Variants in ATP6V1A observed in about 807,000 individuals in gnomAD.
ATP6V1A encodes ATPase H+ transporting V1 subunit A, also known as V-type proton ATPase catalytic subunit A.
Under a neutral mutation model 70.1 loss-of-function variants are expected in ATP6V1A, and 18 were observed. That is an observed-to-expected ratio of 0.26 (90% CI 0.18 to 0.38). The LOEUF (loss-of-function observed/expected upper bound fraction) is 0.38, where lower values mean the gene tolerates loss of function less well. ATP6V1A is among the 10% of genes least tolerant of loss of function. The pLI, the probability that ATP6V1A is intolerant of heterozygous loss-of-function variation, is 1.00. For synonymous variants in ATP6V1A, 232 were observed against 253.8 expected (o/e 0.91, Z 0.82); for missense variants, 424 against 772.4 (o/e 0.55, Z 5.35).
chr3:113,759,327 A>G lies in ATP6V1A; in HGVS notation c.-14+12214A>G, dbSNP rs1166022998. Among the ~76,000 whole-genome samples the G allele has an allele frequency of 6.1e-5, 8 of 131,976 alleles. No homozygotes were observed. The East Asian group carries it at 1.5e-3, about 25-fold the overall frequency. The allele number at this position is 131,976 out of a possible 152,430, so 86.6% of individuals were successfully genotyped here. ...TGCATTTTATGTATACGTTGGTTCTACCACCACTTGTTGAAAAGACAATAT... is the reference window on the plus strand; with the variant it reads ...TGCATTTTATGTATACGTTGGTTCTGCCACCACTTGTTGAAAAGACAATAT... On this transcript the variant is annotated intron_variant, in intron 1 of 14. Coordinates refer to ENST00000273398, the MANE Select transcript of ATP6V1A (RefSeq NM_001690.4).
intron 1 of ATP6V1A, among the ~76,000 whole-genome samples, chr3:113,747,968 G>C (rs774726018): frequency 6.6e-6 from 1 of 152,176 alleles, no homozygotes; most frequent in Non-Finnish European, 1.5e-5. Context: ...CTTAAAGGTA[G>C]AATCAAGTCG....
At chr3:113,797,742 TGAAAG>T (rs1330635003) in intron 11 of ATP6V1A, among the ~76,000 whole-genome samples, 5 of 152,204 alleles carry the variant, frequency 3.3e-5, no homozygotes, top group Non-Finnish European at 5.9e-5. Flanking sequence ...ACTTGGAAAA[TGAAAG>T]GAAATAGATT....
In ATP6V1A at chr3:113,795,873, T is replaced by A. The variant is rs1709148704; in HGVS notation, c.1227-3T>A. ...GTAATGACCATATTTTTTTTAAATT[T>A]AGAGTTTCTCCACCTGGTGGTGATT... On this transcript the variant is annotated splice_region_variant and splice_polypyrimidine_tract_variant and intron_variant, in intron 10 of 14. Coordinates refer to ENST00000273398, the MANE Select transcript of ATP6V1A (RefSeq NM_001690.4). 6.2e-7 allele frequency: 1 copy of A among 1,606,496 alleles called. No individual in the cohort carries two copies. The highest frequency in any genetic ancestry group is 8.5e-7 in the Non-Finnish European group (1 of 1,177,846).
intron 7 of ATP6V1A, 122 bp from the exon 8 acceptor site, chr3:113,789,604 TACTTTA>T: frequency 1.6e-6 from 1 of 608,528 alleles, no homozygotes; most frequent in Non-Finnish European, 2.9e-6. Context: ...TGGGGAATAT[TACTTTA>T]GGAACACTGA....
At chr3:113,778,155 A>G (rs1708937502) in intron 1 of ATP6V1A, among the ~76,000 whole-genome samples, 2 of 152,048 alleles carry the variant, frequency 1.3e-5, no homozygotes, top group African/African-American at 4.8e-5. Flanking sequence ...GCACTTTGGG[A>G]GGCTGAGGTG....
At chr3:113,798,165 A>T in intron 11 of ATP6V1A, 78 bp from the exon 12 acceptor site, 2 of 1,493,204 alleles carry the variant, frequency 1.3e-6, no homozygotes, top group Non-Finnish European at 9.3e-7. Flanking sequence ...CATAGTTGGG[A>T]CAAACATGCT....
chr3:113,773,094 C>G (rs996619842), intron 1 of ATP6V1A, among the ~76,000 whole-genome samples: 3 of 151,788 alleles, frequency 2.0e-5, no homozygotes, highest in Non-Finnish European at 4.4e-5. Flanking sequence ...CGCGACACCA[C>G]GCCCGGCTAA....
intron 10 of ATP6V1A, 79 bp from the exon 11 acceptor site, chr3:113,795,797 C>CATTTATAT: frequency 9.0e-7 from 1 of 1,109,144 alleles, no homozygotes; most frequent in Non-Finnish European, 1.3e-6. Flanking sequence ...AAAAAGTTAA[C>CATTTATAT]ATTTATATAT....
chr3:113,774,552 C>T (rs771173933), intron 1 of ATP6V1A, among the ~76,000 whole-genome samples: 1 of 152,102 alleles, frequency 6.6e-6, no homozygotes, highest in Non-Finnish European at 1.5e-5. Context: ...CGGTGGCTCA[C>T]GCCTGTAATC....
intron 2 of ATP6V1A, among the ~76,000 whole-genome samples, chr3:113,780,537 G>C (rs1708965796): frequency 6.6e-6 from 1 of 152,158 alleles, no homozygotes; most frequent in Non-Finnish European, 1.5e-5. Flanking sequence ...TTTTTGAAAA[G>C]GGTCCATGTC....
At chr3:113,756,022 G>A (rs1349158935) in intron 1 of ATP6V1A, among the ~76,000 whole-genome samples, 4 of 152,122 alleles carry the variant, frequency 2.6e-5, no homozygotes, top group African/African-American at 9.7e-5. Flanking sequence ...TGATCCAAAT[G>A]CTTTCTTAAT....
chr3:113,798,533 C>T, intron 12 of ATP6V1A, 87 bp downstream of exon 12: 1 of 1,119,520 alleles, frequency 8.9e-7, no homozygotes, highest in Non-Finnish European at 1.2e-6. Flanking sequence ...ATTACAGATT[C>T]TTGCCTAGCA....
chr3:113,754,204 AC>A (rs1708621853), intron 1 of ATP6V1A, among the ~76,000 whole-genome samples: 1 of 152,118 alleles, frequency 6.6e-6, no homozygotes, highest in African/African-American at 2.4e-5. Context: ...TTTTATTTTT[AC>A]AGTGGACATG....
At chr3:113,785,506 C>CTTTT (rs987781968) in intron 5 of ATP6V1A, among the ~76,000 whole-genome samples, 74 of 107,050 alleles carry the variant, frequency 6.9e-4, no homozygotes, top group East Asian at 1.4e-3. Context: ...TTTTTCTTTT[C>CTTTT]TTTTTTTTTT....
chr3:113,798,166 C>T, intron 11 of ATP6V1A, 77 bp from the exon 12 acceptor site: 1 of 1,505,600 alleles, frequency 6.6e-7, no homozygotes, highest in East Asian at 2.3e-5. Context: ...ATAGTTGGGA[C>T]AAACATGCTT....
intron 1 of ATP6V1A, among the ~76,000 whole-genome samples, chr3:113,777,985 A>G (rs933738159): frequency 6.6e-6 from 1 of 152,188 alleles, no homozygotes; most frequent in Admixed American, 6.5e-5. Flanking sequence ...AAAAGACTTC[A>G]CATTTTTTGT....
chr3:113,764,243 GA>G (rs992986043), intron 1 of ATP6V1A, among the ~76,000 whole-genome samples: 1 of 151,162 alleles, frequency 6.6e-6, no homozygotes, highest in South Asian at 2.1e-4. Context: ...AAAAAAAAAA[GA>G]AAAAAAAGTA....
rs1212071431 is a variant in ATP6V1A at position 113,811,392 on chromosome 3, A to G, written c.*1965A>G. ...ACAACTTGTTTTAACCTTTGAGAACATTGACAGAAATTATGCAATGGTTTG... is the reference window on the plus strand; with the variant it reads ...ACAACTTGTTTTAACCTTTGAGAACGTTGACAGAAATTATGCAATGGTTTG... On this transcript the variant is annotated 3_prime_UTR_variant, in exon 15 of 15. Transcript: ENST00000273398. 1 of 152,636 alleles carries G rather than the reference A, an allele frequency of 6.6e-6. No homozygotes were observed. The highest frequency in any genetic ancestry group is 2.4e-5 in the African/African-American group (1 of 41,450). The allele number at this position is 152,636 out of a possible 1,614,324, so 9.5% of individuals were successfully genotyped here. A position where few individuals can be genotyped will look rare whatever the true frequency, so the allele number is the denominator to read the frequency against.
chr3:113,808,921 C>A (rs1365130488), intron 14 of ATP6V1A, among the ~76,000 whole-genome samples: 1 of 152,046 alleles, frequency 6.6e-6, no homozygotes, highest in Non-Finnish European at 1.5e-5. Flanking sequence ...TTACCAGTGT[C>A]CCTCACTAAA....
Sources: allele counts gnomAD v4.1 joint callset (sites outside exome capture counted in the v4.1 genomes callset), GRCh38; gene constraint gnomAD v4.1.1; transcripts MANE v1.5; gene names NCBI Gene and HGNC (gene_info 2026-07-23, HGNC 2026-07-21).